HCN1: variants seen among roughly 807,000 people sequenced by gnomAD.
The protein encoded by HCN1 is potassium/sodium hyperpolarization-activated cyclic nucleotide-gated channel 1.
HCN1 carries 13 observed loss-of-function variants against 78.9 expected under a neutral mutation model. That is an observed-to-expected ratio of 0.16 (90% confidence interval 0.11 to 0.26). The LOEUF is 0.26. HCN1 is among the 10% of genes least tolerant of loss of function. The pLI is 1.00. For missense variants in HCN1, 810 were observed against 1,154.3 expected (o/e 0.70, Z 4.32); for synonymous variants, 552 against 455.5 (o/e 1.21, Z -2.70).
In HCN1 at chr5:45,274,194, T is replaced by G. The variant is rs552735567; in HGVS notation, c.1619-6941A>C. Among the ~76,000 whole-genome samples, 7 of 152,284 alleles carry G rather than the reference T, an allele frequency of 4.6e-5. No homozygotes were observed. In the South Asian group the frequency reaches 8.3e-4, roughly 18 times the overall value. ...ACCCAATTTTTCATTTTACTAAGGG[T>G]ATAACTAGTCATTTCAACTCACATA... On this transcript the variant is annotated intron_variant, in intron 6 of 7. Transcript: ENST00000303230.
chr5:45,492,176 A>G (rs980309624), intron 2 of HCN1, among the ~76,000 whole-genome samples: 3 of 151,870 alleles, frequency 2.0e-5, no homozygotes, highest in Admixed American at 6.6e-5. Context: ...ATTTTACTAC[A>G]AATCATTTCT....
chr5:45,610,546 A>T (rs1744812775), intron 2 of HCN1, among the ~76,000 whole-genome samples: 1 of 149,512 alleles, frequency 6.7e-6, no homozygotes, highest in African/African-American at 2.4e-5. Flanking sequence ...TTTTAAATAC[A>T]TTGAAATATA....
chr5:45,675,662 C>T (rs1278151306), intron 1 of HCN1, among the ~76,000 whole-genome samples: 1 of 151,790 alleles, frequency 6.6e-6, no homozygotes, highest in Non-Finnish European at 1.5e-5. Flanking sequence ...TCACAAAGAG[C>T]CAAGTAAAGC....
intron 2 of HCN1, among the ~76,000 whole-genome samples, chr5:45,586,942 A>C (rs1202099821): frequency 1.3e-5 from 2 of 152,216 alleles, no homozygotes; most frequent in Admixed American, 1.3e-4. Flanking sequence ...TCTGTGGGCC[A>C]TCACTAACCA....
intron 6 of HCN1, among the ~76,000 whole-genome samples, chr5:45,268,499 T>C (rs1744902220): frequency 6.6e-6 from 1 of 152,212 alleles, no homozygotes; most frequent in African/African-American, 2.4e-5. Flanking sequence ...CGAGCTAATT[T>C]AAAGAAGTTC....
At chr5:45,686,912 A>T (rs1739819649) in intron 1 of HCN1, among the ~76,000 whole-genome samples, 1 of 152,064 alleles carries the variant, frequency 6.6e-6, no homozygotes, top group African/African-American at 2.4e-5. Flanking sequence ...CCTAGCTTCT[A>T]TGTCTTCATG....
chr5:45,321,554 GA>G (rs200482010), intron 5 of HCN1, among the ~76,000 whole-genome samples: 11 of 151,090 alleles, frequency 7.3e-5, no homozygotes, highest in Non-Finnish European at 8.9e-5. Context: ...ATTTCAAAAT[GA>G]AAAAAAAGAG....
chr5:45,692,946 C>A (rs1190651756), intron 1 of HCN1, among the ~76,000 whole-genome samples: 1 of 152,086 alleles, frequency 6.6e-6, no homozygotes, highest in Non-Finnish European at 1.5e-5. Flanking sequence ...TGTAATAACT[C>A]CCCACTCTTC....
intron 5 of HCN1, among the ~76,000 whole-genome samples, chr5:45,343,185 G>A (rs1034888634): frequency 6.6e-6 from 1 of 152,158 alleles, no homozygotes; most frequent in African/African-American, 2.4e-5. Flanking sequence ...ATGACAGTGG[G>A]GGAAAGGAAA....
At chr5:45,395,234 A>G (rs1283434938) in intron 4 of HCN1, among the ~76,000 whole-genome samples, 1 of 152,146 alleles carries the variant, frequency 6.6e-6, no homozygotes, top group Non-Finnish European at 1.5e-5. Flanking sequence ...TGTAAGAGAA[A>G]CATCAGATTT....
chr5:45,413,293 T>C (rs1436249157), intron 3 of HCN1, among the ~76,000 whole-genome samples: 1 of 152,014 alleles, frequency 6.6e-6, no homozygotes, highest in Non-Finnish European at 1.5e-5. Context: ...AAAAAATAAA[T>C]ATTTTAATTT....
At chr5:45,644,342 A>G (rs1580014501) in intron 2 of HCN1, 2 of 152,162 alleles carry the variant, frequency 1.3e-5, no homozygotes, top group African/African-American at 4.8e-5. Context: ...AAAAAGACTT[A>G]GGAAGAAAAG....
chr5:45,298,825 T>A (rs993667417), intron 6 of HCN1, among the ~76,000 whole-genome samples: 2 of 151,786 alleles, frequency 1.3e-5, no homozygotes, highest in African/African-American at 4.8e-5. Context: ...GAAAGAAAAA[T>A]TAACTTTACA....
chr5:45,574,253 T>G (rs930221361), intron 2 of HCN1, among the ~76,000 whole-genome samples: 17 of 152,146 alleles, frequency 1.1e-4, no homozygotes, highest in African/African-American at 3.6e-4. Context: ...ATTGGTGCCA[T>G]TTTTACAATA....
chr5:45,291,794 T>A (rs1352231689), intron 6 of HCN1, among the ~76,000 whole-genome samples: 1 of 152,024 alleles, frequency 6.6e-6, no homozygotes, highest in Non-Finnish European at 1.5e-5. Context: ...TACCCCAAAG[T>A]GCCGGGAATA....
At chr5:45,630,238 G>A in intron 2 of HCN1, among the ~76,000 whole-genome samples, 1 of 152,134 alleles carries the variant, frequency 6.6e-6, no homozygotes, top group Non-Finnish European at 1.5e-5. Context: ...ACCAGTTTCA[G>A]TCATATTTAA....
intron 5 of HCN1, 112 bp downstream of exon 5, chr5:45,352,988 T>C (rs1746943066): frequency 3.5e-6 from 3 of 855,570 alleles, no homozygotes; most frequent in South Asian, 3.0e-5. Flanking sequence ...GGACAAAATA[T>C]CTTAATAAGT....
At chr5:45,434,645 T>C (rs1740527082) in intron 3 of HCN1, among the ~76,000 whole-genome samples, 1 of 152,176 alleles carries the variant, frequency 6.6e-6, no homozygotes, top group African/African-American at 2.4e-5. Flanking sequence ...AGAGTATGGG[T>C]GATTTGAAAA....
At chr5:45,287,080 CGTGT>C (rs765679473) in intron 6 of HCN1, among the ~76,000 whole-genome samples, 1 of 148,152 alleles carries the variant, frequency 6.7e-6, no homozygotes, top group Non-Finnish European at 1.5e-5. Context: ...AGAAGGTATG[CGTGT>C]GTGTGTGTGT....
Sources: allele counts gnomAD v4.1 joint callset (sites outside exome capture counted in the v4.1 genomes callset), GRCh38; gene constraint gnomAD v4.1.1; transcripts MANE v1.5; gene names NCBI Gene and HGNC (gene_info 2026-07-23, HGNC 2026-07-21).